Variants in FSTL5 observed in about 807,000 individuals in gnomAD.
The protein encoded by FSTL5 is follistatin like 5, also known as follistatin-related protein 5.
FSTL5 carries 62 observed loss-of-function variants against 89.1 expected under a neutral mutation model. That is an observed-to-expected ratio of 0.70 (90% CI 0.57 to 0.86). FSTL5 has a LOEUF of 0.86. Ranked by LOEUF, FSTL5 falls within the 40% of genes least tolerant of loss-of-function variation. The pLI, the probability that FSTL5 is intolerant of heterozygous loss-of-function variation, is 0.00. For synonymous variants in FSTL5, 383 were observed against 346.2 expected, an observed-to-expected ratio of 1.11 and a Z score of -1.18; for missense variants, 1,057 against 1,001.6, an observed-to-expected ratio of 1.06 and a Z score of -0.75.
intron 1 of FSTL5, among the ~76,000 whole-genome samples, chr4:162,159,712 T>C (rs914954729): frequency 2.6e-5 from 4 of 152,038 alleles, no homozygotes; most frequent in African/African-American, 9.7e-5. Context: ...GATGTTTTAC[T>C]TTTATAGATT....
In FSTL5 at chr4:161,970,559, T is replaced by A. The variant is rs1204846138; in HGVS notation, c.161-49907A>T. ...AAAATTAACTTACAAATTTCAAGAA[T>A]CGGTTGTCCAGATTGAACTAAGAGA... On this transcript the variant is annotated intron_variant, in intron 3 of 15. Coordinates refer to ENST00000306100, the MANE Select transcript of FSTL5 (RefSeq NM_020116.5). Among the ~76,000 whole-genome samples, 61 of 152,036 alleles carry A rather than the reference T, an allele frequency of 4.0e-4. 1 individual carries two copies. The highest frequency in any genetic ancestry group is 1.5e-5 in the Non-Finnish European group (1 of 67,982).
At chr4:161,581,623 T>A (rs1253114767) in intron 8 of FSTL5, among the ~76,000 whole-genome samples, 1 of 152,242 alleles carries the variant, frequency 6.6e-6, no homozygotes, top group Non-Finnish European at 1.5e-5. Context: ...ATGCTTTGTA[T>A]CTGTATATCT....
chr4:162,021,183 G>T (rs752044302), intron 3 of FSTL5, among the ~76,000 whole-genome samples: 1 of 152,070 alleles, frequency 6.6e-6, no homozygotes, highest in African/African-American at 2.4e-5. Context: ...ATACAGTATA[G>T]TCTATACTGG....
At chr4:161,430,827 T>A (rs929616619) in intron 15 of FSTL5, among the ~76,000 whole-genome samples, 10 of 151,942 alleles carry the variant, frequency 6.6e-5, no homozygotes, top group African/African-American at 2.4e-4. Flanking sequence ...AAGAAACAAA[T>A]AATGTATAAT....
intron 4 of FSTL5, among the ~76,000 whole-genome samples, chr4:161,877,199 T>A (rs1052912688): frequency 1.5e-4 from 21 of 135,746 alleles, no homozygotes; most frequent in Admixed American, 1.5e-3. Flanking sequence ...AAAAAAAAAA[T>A]TACTATGATA....
chr4:161,894,896 T>C (rs1246615009), intron 4 of FSTL5, among the ~76,000 whole-genome samples: 1 of 152,250 alleles, frequency 6.6e-6, no homozygotes, highest in Non-Finnish European at 1.5e-5. Context: ...CATTACTTAG[T>C]AAAGCTCTCT....
intron 4 of FSTL5, among the ~76,000 whole-genome samples, chr4:161,912,053 G>C (rs1446029529): frequency 1.3e-5 from 2 of 152,062 alleles, no homozygotes; most frequent in Non-Finnish European, 2.9e-5. Context: ...GACTAATAGA[G>C]AACAATTTTC....
intron 6 of FSTL5, among the ~76,000 whole-genome samples, chr4:161,691,273 C>T (rs571215042): frequency 3.9e-5 from 6 of 151,980 alleles, no homozygotes; most frequent in African/African-American, 1.4e-4. Context: ...TCCAGTTGTC[C>T]CAGAAATATT....
intron 4 of FSTL5, among the ~76,000 whole-genome samples, chr4:161,802,310 T>A (rs536238613): frequency 1.3e-5 from 2 of 151,824 alleles, no homozygotes; most frequent in South Asian, 4.1e-4. Flanking sequence ...GTCTAACCAG[T>A]CAATATAAAG....
intron 3 of FSTL5, among the ~76,000 whole-genome samples, chr4:161,970,457 T>C (rs1842985): frequency 0.41 from 62,268 of 151,778 alleles, 13,174 homozygotes; most frequent in East Asian, 0.58. Flanking sequence ...TGTTTTGAAA[T>C]GCAATACTGA....
intron 12 of FSTL5, among the ~76,000 whole-genome samples, chr4:161,499,528 T>A (rs1730222807): frequency 6.6e-6 from 1 of 152,112 alleles, no homozygotes; most frequent in African/African-American, 2.4e-5. Flanking sequence ...TTTGAAAAAA[T>A]TTGATATTTT....
chr4:161,887,188 CAAAT>C, intron 4 of FSTL5, among the ~76,000 whole-genome samples: 1 of 152,058 alleles, frequency 6.6e-6, no homozygotes, highest in Non-Finnish European at 1.5e-5. Context: ...TATTTAAGCA[CAAAT>C]AAATTAAATT....
At chr4:161,938,553 G>A (rs1337590098) in intron 3 of FSTL5, among the ~76,000 whole-genome samples, 1 of 151,942 alleles carries the variant, frequency 6.6e-6, no homozygotes, top group African/African-American at 2.4e-5. Context: ...AAGAAACACT[G>A]GTGTACACCT....
At chr4:161,553,465 A>G (rs2126560488) in intron 8 of FSTL5, among the ~76,000 whole-genome samples, 1 of 151,522 alleles carries the variant, frequency 6.6e-6, no homozygotes, top group East Asian at 2.0e-4. Flanking sequence ...ATAATAATAT[A>G]TAGCTATTCA....
At chr4:161,648,828 A>C (rs1241849774) in intron 7 of FSTL5, among the ~76,000 whole-genome samples, 1 of 152,206 alleles carries the variant, frequency 6.6e-6, no homozygotes, top group East Asian at 1.9e-4. Context: ...ATTTCTTGGA[A>C]AGTGAGGGTC....
chr4:161,831,372 G>T (rs1730839569), intron 4 of FSTL5, among the ~76,000 whole-genome samples: 1 of 151,660 alleles, frequency 6.6e-6, no homozygotes, highest in Non-Finnish European at 1.5e-5. Flanking sequence ...GTGTCTGATA[G>T]GACAAGCAAG....
intron 10 of FSTL5, among the ~76,000 whole-genome samples, chr4:161,534,905 C>T: frequency 6.6e-6 from 1 of 151,990 alleles, no homozygotes; most frequent in East Asian, 1.9e-4. Context: ...ACAGACACCC[C>T]AGAAATAAAC....
chr4:162,065,691 C>T lies in FSTL5; in HGVS notation c.127-32033G>A, dbSNP rs565225097. Among the ~76,000 whole-genome samples, 85 of 151,662 alleles carry T rather than the reference C, an allele frequency of 5.6e-4. No homozygotes were observed. In the Middle Eastern group the frequency reaches 0.01, roughly 18 times the overall value. On this transcript the variant is annotated intron_variant, in intron 2 of 15. Coordinates refer to ENST00000306100, the MANE Select transcript of FSTL5 (RefSeq NM_020116.5). Reference sequence around the variant, plus strand: ...ATTAAAAATAGAACTACCATACAATCCAGCAACTCTACTTCTCGGTACATA... The same window carrying T: ...ATTAAAAATAGAACTACCATACAATTCAGCAACTCTACTTCTCGGTACATA...
intron 6 of FSTL5, among the ~76,000 whole-genome samples, chr4:161,675,994 A>T (rs933085621): frequency 1.3e-5 from 2 of 152,142 alleles, no homozygotes; most frequent in Admixed American, 6.6e-5. Flanking sequence ...AACGAATCAC[A>T]TCAGATAAGT....
Sources: allele counts gnomAD v4.1 joint callset (sites outside exome capture counted in the v4.1 genomes callset), GRCh38; gene constraint gnomAD v4.1.1; transcripts MANE v1.5; gene names NCBI Gene and HGNC (gene_info 2026-07-23, HGNC 2026-07-21).